The following AGR3 variants were observed in gnomAD, a reference collection of about 807,000 sequenced individuals.
AGR3 encodes anterior gradient protein 3.
A neutral mutation model predicts 24.5 loss-of-function variants in AGR3; 37 were observed. The ratio of observed to expected loss-of-function variants is 1.51; its 90% CI spans 1.16 to 1.99. AGR3 has a LOEUF of 1.99. AGR3 is among the 30% of genes most tolerant of loss of function. The probability of loss-of-function intolerance (pLI) is 0.00; values close to 1 mark genes in which losing one functional copy is unlikely to be tolerated. For missense variants in AGR3, 228 were observed against 191.1 expected, an observed-to-expected ratio of 1.19 and a Z score of -1.14; for synonymous variants, 75 against 61.6, an observed-to-expected ratio of 1.22 and a Z score of -1.02.
At chr7:16,874,757 G>A (rs1340332325) in intron 2 of AGR3, among the ~76,000 whole-genome samples, 5 of 152,050 alleles carry the variant, frequency 3.3e-5, no homozygotes, top group Admixed American at 6.6e-5. Flanking sequence ...TGTTTTTCAT[G>A]TTTGTTTTCT....
At chr7:16,872,142 A>T (rs903978030) in intron 3 of AGR3, among the ~76,000 whole-genome samples, 8 of 152,206 alleles carry the variant, frequency 5.3e-5, no homozygotes, top group Non-Finnish European at 7.4e-5. Flanking sequence ...GACTCCAAAT[A>T]GTTCAAAGCA....
intron 2 of AGR3, among the ~76,000 whole-genome samples, chr7:16,875,980 C>A (rs1194059581): frequency 6.6e-6 from 1 of 152,114 alleles, no homozygotes; most frequent in African/African-American, 2.4e-5. Flanking sequence ...AAATATCATT[C>A]AATGATGGAG....
intron 7 of AGR3, 165 bp downstream of exon 7, chr7:16,860,335 C>T: frequency 1.8e-6 from 1 of 568,336 alleles, no homozygotes; most frequent in South Asian, 2.4e-5. Flanking sequence ...TTCTGAGGTA[C>T]CCCCAAAATT....
At chr7:16,876,047 C>G (rs1781980781) in intron 2 of AGR3, among the ~76,000 whole-genome samples, 1 of 152,180 alleles carries the variant, frequency 6.6e-6, no homozygotes, top group African/African-American at 2.4e-5. Context: ...GTTCCACAAA[C>G]AGTAAAGGAA....
Position 16,859,611 on chromosome 7 carries a change from C to A in AGR3, c.472G>T (p.Ala158Ser). Reference protein sequence around the residue: ...LPLLIENMKKALRLIQSEL With the variant: ...LPLLIENMKKSLRLIQSEL ...AGCTCTGACTGAATAAGTCTTAATG[C>A]TTTCTTCATGTTTTCTATCACTGAA... is the stretch of plus-strand genomic sequence containing the variant. The change falls in exon 8 of 8, where the codon GCA becomes TCA. Residue 158 changes from alanine (A) to serine (S), a missense_variant. Physicochemically the swap from Ala to Ser is moderately conservative, Grantham distance 99. Coordinates refer to ENST00000310398, the MANE Select transcript of AGR3 (RefSeq NM_176813.5). 1 of 1,548,530 alleles carries A rather than the reference C, an allele frequency of 6.5e-7. No homozygotes were observed.
downstream of AGR3, among the ~76,000 whole-genome samples, chr7:16,858,774 G>A (rs1781587148): frequency 1.3e-5 from 2 of 152,124 alleles, no homozygotes; most frequent in South Asian, 4.1e-4. Context: ...GGGAGGCTGA[G>A]GCAGGAGAAT....
At chr7:16,869,294 A>T (rs1288671965) in intron 3 of AGR3, among the ~76,000 whole-genome samples, 1 of 152,100 alleles carries the variant, frequency 6.6e-6, no homozygotes, top group African/African-American at 2.4e-5. Flanking sequence ...TTATATAATG[A>T]CCTTCTTTGT....
chr7:16,864,263 T>G (rs1468356084), intron 3 of AGR3: 1 of 1,328,966 alleles, frequency 7.5e-7, no homozygotes, highest in East Asian at 2.3e-5. Flanking sequence ...CAGGCTGGCT[T>G]CTATGTCCCA....
chr7:16,858,160 G>C (rs540490422), downstream of AGR3, among the ~76,000 whole-genome samples: 88 of 151,924 alleles, frequency 5.8e-4, no homozygotes, highest in African/African-American at 1.9e-3. Flanking sequence ...GCTAATTTTC[G>C]TATTTTTAAT....
chr7:16,860,530 A>G lies in AGR3; in HGVS notation c.421T>C (p.Tyr141His). 6 of 1,613,912 alleles carry G rather than the reference A, an allele frequency of 3.7e-6. No homozygotes were observed. Among genetic ancestry groups the G allele is most frequent in the Non-Finnish European group, 5.1e-6 (6 of 1,179,822 alleles). Residue 141 changes from tyrosine to histidine, a missense_variant, in exon 7 of 8, where the codon TAC (tyrosine) becomes CAC (histidine). Transcript: ENST00000310398. ...DIAGRYSNRLYTYEPRDLPLL... is the reference protein window; with the variant it reads ...DIAGRYSNRLHTYEPRDLPLL... ...GGTAAATCCCGAGGCTCATATGTGT[A>G]CAATCTGTTAGAGTATCTTCCAGCT...
rs139632518 is a variant in AGR3 at position 16,865,607 on chromosome 7, C to T, written c.174-2945G>A. ...GAACTTCATGTAAAGTATGAGAATC[C>T]CTATAAACTGGTTAGGTAAATCTTC... On this transcript the variant is annotated intron_variant, in intron 3 of 7. Transcript: ENST00000310398. 168 of 735,110 alleles carry T rather than the reference C, an allele frequency of 2.3e-4. 4 individuals are homozygous for T. In the East Asian group the frequency reaches 4.2e-3, roughly 18 times the overall value. 45.5% of individuals were successfully genotyped at this position (735,110 alleles called of 1,614,324 possible). A position where few individuals can be genotyped will look rare whatever the true frequency, so the allele number is the denominator to read the frequency against.
downstream of AGR3, among the ~76,000 whole-genome samples, chr7:16,856,961 C>G (rs1781562343): frequency 6.8e-6 from 1 of 146,820 alleles, no homozygotes; most frequent in Admixed American, 7.1e-5. Flanking sequence ...GAAATATCAA[C>G]TACAATATAG....
rs778558855 is a variant in AGR3, at chr7:16,878,503, A to G, written c.109+7T>C. On this transcript the variant is annotated splice_region_variant and intron_variant, in intron 2 of 7. Coordinates refer to ENST00000310398, the MANE Select transcript of AGR3 (RefSeq NM_176813.5). Reference sequence around the variant, plus strand: ...TGAGTTTAGAAAATAAAATGAGATTACAGCACCTCTTGAGAGTGTCTGAGG... The same window carrying G: ...TGAGTTTAGAAAATAAAATGAGATTGCAGCACCTCTTGAGAGTGTCTGAGG... 2 of 1,607,180 alleles carry G rather than the reference A, an allele frequency of 1.2e-6. No homozygotes were observed. Among genetic ancestry groups the G allele is most frequent in the Admixed American group, 1.7e-5 (1 of 59,956 alleles).
intron 2 of AGR3, among the ~76,000 whole-genome samples, chr7:16,874,649 T>C (rs1046966377): frequency 6.6e-6 from 1 of 152,186 alleles, no homozygotes; most frequent in Non-Finnish European, 1.5e-5. Flanking sequence ...GCCCAGGTTT[T>C]CTTGTACATT....
downstream of AGR3, among the ~76,000 whole-genome samples, chr7:16,857,427 T>C (rs1781568301): frequency 6.6e-6 from 1 of 152,194 alleles, no homozygotes; most frequent in Non-Finnish European, 1.5e-5. Context: ...ATGTTATTTA[T>C]TAATTCTTAA....
chr7:16,870,957 C>T lies in AGR3; in HGVS notation c.173+2823G>A, dbSNP rs143033553. Reference sequence around the variant, plus strand: ...ATGTTCTTTAGATATTTCATTCATTCTTGGGGAGCTTTTAATAATATGTTT... The same window carrying T: ...ATGTTCTTTAGATATTTCATTCATTTTTGGGGAGCTTTTAATAATATGTTT... On this transcript the variant is annotated intron_variant, in intron 3 of 7. Transcript: ENST00000310398. Among the ~76,000 whole-genome samples the T allele has an allele frequency of 2.1e-3, 326 of 152,102 alleles. 2 individuals carry two copies. Among genetic ancestry groups the T allele is most frequent in the African/African-American group, 7.1e-3 (294 of 41,500 alleles).
rs986059563 is a variant in AGR3 at position 16,881,953 on chromosome 7, C to A, written c.-37G>T. 4.2e-6 allele frequency: 2 copies of A among 471,024 alleles called. No individual in the cohort carries two copies. The highest frequency in any genetic ancestry group is 4.7e-5 in the Admixed American group (2 of 42,580). The allele number at this position is 471,024 out of a possible 1,614,324, so 29.2% of individuals were successfully genotyped here. ...AAATTTGCTTGCTTACCTGACTTGG[C>A]CAGTGCTCTTGTTGGAAATGTATTC... On this transcript the variant is annotated 5_prime_UTR_variant, in exon 1 of 8. Coordinates refer to ENST00000310398, the MANE Select transcript of AGR3 (RefSeq NM_176813.5).
chr7:16,861,479 T>A lies in AGR3; in HGVS notation c.304-32A>T, dbSNP rs10225411. 1.0e-3 allele frequency: 1,575 copies of A among 1,552,862 alleles called. 13 individuals carry two copies. In the African/African-American group the frequency reaches 0.019, roughly 19 times the overall value. ...GGAGAAGAAAAAAAAAGAATGTTATTGGATTCATTTGTTTTTGATAGTTTC... is the reference window on the plus strand; with the variant it reads ...GGAGAAGAAAAAAAAAGAATGTTATAGGATTCATTTGTTTTTGATAGTTTC... On this transcript the variant is annotated intron_variant, in intron 5 of 7. Coordinates refer to ENST00000310398, the MANE Select transcript of AGR3 (RefSeq NM_176813.5).
intron 1 of AGR3, among the ~76,000 whole-genome samples, chr7:16,879,039 T>A (rs1373100954): frequency 6.6e-6 from 1 of 152,250 alleles, no homozygotes; most frequent in Non-Finnish European, 1.5e-5. Flanking sequence ...ATTCTTTGCC[T>A]TTTGATTCTC....
Sources: gnomAD v4.1 joint callset for allele counts (sites outside exome capture counted in the v4.1 genomes callset) on GRCh38, gnomAD v4.1.1 for gene constraint, MANE v1.5 for transcripts, NCBI Gene and HGNC (gene_info 2026-07-23, HGNC 2026-07-21) for gene names.